The following ZRANB3 variants were observed in gnomAD, a reference collection of about 807,000 sequenced individuals.
The protein encoded by ZRANB3 is zinc finger RANBP2-type containing 3.
A neutral mutation model predicts 133.8 loss-of-function variants in ZRANB3; 125 were observed. The observed-to-expected ratio is 0.93, with a 90% CI of 0.81 to 1.08. The LOEUF (loss-of-function observed/expected upper bound fraction) is 1.08. Ranked by LOEUF, ZRANB3 falls within the 50% of genes least tolerant of loss-of-function variation. The probability of loss-of-function intolerance (pLI) is 0.00; values close to 1 mark genes in which losing one functional copy is unlikely to be tolerated. For missense variants in ZRANB3, 1,229 were observed against 1,275.5 expected (o/e 0.96, Z 0.56); for synonymous variants, 387 against 432.7 (o/e 0.89, Z 1.31).
chr2:135,510,790 T>C (rs952103967), intron 1 of ZRANB3: 9 of 819,448 alleles, frequency 1.1e-5, no homozygotes, highest in Non-Finnish European at 1.5e-5. Flanking sequence ...CTCAGAATCA[T>C]CAAAACAAAA....
chr2:135,486,704 G>T (rs1352244431), intron 2 of ZRANB3, among the ~76,000 whole-genome samples: 2 of 152,014 alleles, frequency 1.3e-5, no homozygotes, highest in Non-Finnish European at 2.9e-5. Flanking sequence ...AGTAGAGATG[G>T]GATTTTGCCA....
At chr2:135,349,280 T>C (rs1052698410) in intron 5 of ZRANB3, among the ~76,000 whole-genome samples, 2 of 152,194 alleles carry the variant, frequency 1.3e-5, no homozygotes, top group Admixed American at 6.5e-5. Flanking sequence ...TTCAAAGCAG[T>C]ATTACCTTTA....
intron 3 of ZRANB3, among the ~76,000 whole-genome samples, chr2:135,361,717 T>A (rs1299436849): frequency 6.6e-6 from 1 of 152,178 alleles, no homozygotes; most frequent in African/African-American, 2.4e-5. Flanking sequence ...GCTTTTAAAA[T>A]CTTAGTGAGG....
chr2:135,230,654 C>T lies in ZRANB3; in HGVS notation c.1813G>A (p.Val605Met), dbSNP rs61732190. Reference sequence around the variant, plus strand: ...GCCTTGGCCTCCTGTACACTTTCCACGAGTGGAGTTCGGATTTGCTTGGAC... The same window carrying T: ...GCCTTGGCCTCCTGTACACTTTCCATGAGTGGAGTTCGGATTTGCTTGGAC... ...SQSKQIRTPL[V>M]ESVQEAKAQL... is the part of the protein sequence containing the mutation. Residue 605 changes from valine to methionine, a missense_variant, in exon 13 of 21, where the codon GTG becomes ATG. Val to Met is a conservative substitution (Grantham distance 21). Coordinates refer to ENST00000264159, the MANE Select transcript of ZRANB3 (RefSeq NM_032143.4). 8,165 of 1,613,668 alleles carry T rather than the reference C, an allele frequency of 5.1e-3. 294 individuals carry two copies. The African/African-American group carries it at 0.088, about 17-fold the overall frequency.
intron 3 of ZRANB3, among the ~76,000 whole-genome samples, chr2:135,373,563 G>A (rs757393176): frequency 4.6e-5 from 7 of 152,080 alleles, no homozygotes; most frequent in African/African-American, 1.7e-4. Context: ...CGAGGCAGGC[G>A]GACCACTTGA....
At position 135,207,700 on chromosome 2, in the gene ZRANB3, A is replaced by C; in HGVS notation, c.2743T>G (p.Cys915Gly). 1 of 1,614,052 alleles carries C rather than the reference A, an allele frequency of 6.2e-7. No individual in the cohort carries two copies. Among genetic ancestry groups the C allele is most frequent in the Non-Finnish European group, 8.5e-7 (1 of 1,179,908 alleles). ...TTAGTCTGGCAAGTGGGTTGCTGACAGCGAAGGCAAAGTGGATTTCCTTCA... is the reference window on the plus strand; with the variant it reads ...TTAGTCTGGCAAGTGGGTTGCTGACCGCGAAGGCAAAGTGGATTTCCTTCA... ...DNEGNPLCLR[C>G]QQPTCQTKQA... is the part of the protein sequence containing the mutation. The change falls in exon 19 of 21, where the codon TGT (cysteine) becomes GGT (glycine). Residue 915 changes from cysteine to glycine, a missense_variant. Cys to Gly is a radical substitution (Grantham distance 159, BLOSUM62 -3). Coordinates refer to ENST00000264159, the MANE Select transcript of ZRANB3 (RefSeq NM_032143.4).
At chr2:135,431,934 G>A (rs2104982578) in intron 2 of ZRANB3, among the ~76,000 whole-genome samples, 1 of 152,194 alleles carries the variant, frequency 6.6e-6, no homozygotes, top group South Asian at 2.1e-4. Context: ...CATACCGTGA[G>A]CCGAGGTAAA....
intron 6 of ZRANB3, among the ~76,000 whole-genome samples, chr2:135,318,854 G>A (rs1683383370): frequency 6.6e-6 from 1 of 152,162 alleles, no homozygotes; most frequent in Non-Finnish European, 1.5e-5. Context: ...TGTGGGGATG[G>A]GTAGACTCCA....
chr2:135,303,582 TTAAG>T (rs1682547130), intron 8 of ZRANB3, among the ~76,000 whole-genome samples: 1 of 152,172 alleles, frequency 6.6e-6, no homozygotes, highest in South Asian at 2.1e-4. Context: ...TAACTTCTTA[TTAAG>T]TATTTATATA....
intron 8 of ZRANB3, among the ~76,000 whole-genome samples, chr2:135,286,916 T>C (rs1040024618): frequency 6.6e-6 from 1 of 152,238 alleles, no homozygotes; most frequent in Non-Finnish European, 1.5e-5. Context: ...CAGAAGCTTT[T>C]ACATTTATTT....
intron 6 of ZRANB3, among the ~76,000 whole-genome samples, chr2:135,318,336 T>C (rs1191302906): frequency 6.6e-6 from 1 of 151,552 alleles, no homozygotes; most frequent in African/African-American, 2.4e-5. Flanking sequence ...GCCTTTATTT[T>C]TCTTAATTCT....
At chr2:135,482,332 A>T (rs1361698984) in intron 2 of ZRANB3, among the ~76,000 whole-genome samples, 40 of 137,152 alleles carry the variant, frequency 2.9e-4, no homozygotes, top group African/African-American at 6.3e-4. Flanking sequence ...GGTCCTTCAC[A>T]TCCCTTGTAA....
chr2:135,481,155 G>A (rs1295256442), intron 2 of ZRANB3, among the ~76,000 whole-genome samples: 1 of 151,408 alleles, frequency 6.6e-6, no homozygotes, highest in Non-Finnish European at 1.5e-5. Flanking sequence ...GGGTCAAATG[G>A]TATTTCCAGT....
chr2:135,364,809 G>A (rs1221241372), intron 3 of ZRANB3, among the ~76,000 whole-genome samples: 1 of 152,046 alleles, frequency 6.6e-6, no homozygotes. Flanking sequence ...CCATCACTTT[G>A]GGAGGCCGAG....
At chr2:135,239,960 G>T (rs1377595455) in intron 12 of ZRANB3, among the ~76,000 whole-genome samples, 1 of 151,502 alleles carries the variant, frequency 6.6e-6, no homozygotes, top group African/African-American at 2.4e-5. Context: ...TCCAGCCTGG[G>T]CAATGGAGCA....
At chr2:135,318,229 TG>T (rs1683352832) in intron 6 of ZRANB3, among the ~76,000 whole-genome samples, 2 of 149,070 alleles carry the variant, frequency 1.3e-5, no homozygotes, top group Non-Finnish European at 3.0e-5. Flanking sequence ...TGTGTGTGTG[TG>T]TGTGTGTGTG....
At chr2:135,291,369 T>C (rs1409744770) in intron 8 of ZRANB3, among the ~76,000 whole-genome samples, 1 of 149,460 alleles carries the variant, frequency 6.7e-6, no homozygotes, top group South Asian at 2.1e-4. Context: ...TTTTAGTAGA[T>C]ACGGGGTTTC....
At chr2:135,419,096 T>A (rs974285447) in intron 2 of ZRANB3, among the ~76,000 whole-genome samples, 1 of 151,266 alleles carries the variant, frequency 6.6e-6, no homozygotes. Context: ...CACCACCACG[T>A]CCGGCTAATT....
intron 2 of ZRANB3, among the ~76,000 whole-genome samples, chr2:135,418,761 A>AG (rs1342079595): frequency 2.6e-5 from 4 of 152,064 alleles, no homozygotes; most frequent in Non-Finnish European, 4.4e-5. Context: ...GAGAGCTTAA[A>AG]GAAGAATCAG....
Sources: gnomAD v4.1 joint callset for allele counts (sites outside exome capture counted in the v4.1 genomes callset) on GRCh38, gnomAD v4.1.1 for gene constraint, MANE v1.5 for transcripts, NCBI Gene and HGNC (gene_info 2026-07-23, HGNC 2026-07-21) for gene names.